IL1RAPL1: variants seen among roughly 807,000 people sequenced by gnomAD.
The protein encoded by IL1RAPL1 is interleukin 1 receptor accessory protein like 1.
In IL1RAPL1, 3 loss-of-function variants were observed where a neutral mutation model predicts 48.4. The ratio of observed to expected loss-of-function variants is 0.06; its 90% CI spans 0.03 to 0.16. IL1RAPL1 has a LOEUF of 0.16. IL1RAPL1 is among the 10% of genes least tolerant of loss of function. The pLI, the probability that IL1RAPL1 is intolerant of heterozygous loss-of-function variation, is 1.00. For missense variants in IL1RAPL1, 349 were observed against 530.6 expected (o/e 0.66, Z 3.36); for synonymous variants, 185 against 187.7 (o/e 0.99, Z 0.12).
chrX:29,854,522 C>A (rs777959011), intron 6 of IL1RAPL1, among the ~76,000 whole-genome samples: 2 of 111,443 alleles, frequency 1.8e-5, no homozygotes, highest in South Asian at 7.5e-4. Flanking sequence ...TCAGAATTGA[C>A]AAGCCACCCA....
At chrX:28,642,237 A>G (rs1442563029) in intron 1 of IL1RAPL1, among the ~76,000 whole-genome samples, 1 of 111,290 alleles carries the variant, frequency 9.0e-6, no homozygotes, top group Non-Finnish European at 1.9e-5. Flanking sequence ...CCCACTGTCA[A>G]TATTAGACAG....
intron 2 of IL1RAPL1, among the ~76,000 whole-genome samples, chrX:28,830,183 G>A (rs1921011302): frequency 9.0e-6 from 1 of 111,483 alleles, no homozygotes; most frequent in African/African-American, 3.3e-5. Context: ...CATCATCTTT[G>A]ATGTTTTGGA....
At chrX:29,758,703 A>T (rs186569035) in intron 6 of IL1RAPL1, among the ~76,000 whole-genome samples, 117 of 106,121 alleles carry the variant, frequency 1.1e-3, no homozygotes, top group South Asian at 5.3e-3. Context: ...CTCAAAAAAA[A>T]AAAAATAATA....
At chrX:29,110,608 G>A (rs1440386584) in intron 2 of IL1RAPL1, among the ~76,000 whole-genome samples, 1 of 111,666 alleles carries the variant, frequency 9.0e-6, no homozygotes. Context: ...TTAATATTGC[G>A]AAAATTGTAA....
At chrX:29,928,309 A>G (rs1290378463) in intron 8 of IL1RAPL1, among the ~76,000 whole-genome samples, 2 of 112,116 alleles carry the variant, frequency 1.8e-5, no homozygotes, top group African/African-American at 6.5e-5. Context: ...GAAATTATCT[A>G]GCACACAGCA....
chrX:28,895,856 G>C (rs1922902948), intron 2 of IL1RAPL1, among the ~76,000 whole-genome samples: 1 of 112,180 alleles, frequency 8.9e-6, no homozygotes, highest in African/African-American at 3.2e-5. Context: ...TCAGTCTTCA[G>C]CTGCTAAGCC....
chrX:29,192,067 G>A (rs951518179), intron 2 of IL1RAPL1, among the ~76,000 whole-genome samples: 4 of 111,486 alleles, frequency 3.6e-5, no homozygotes, highest in Non-Finnish European at 5.6e-5. Context: ...CTATTCTTTC[G>A]TTCTCCACAA....
Position 29,566,174 on chromosome X carries a change from C to T in IL1RAPL1, c.704-102256C>T, listed in dbSNP as rs187902684. Among the ~76,000 whole-genome samples the T allele has an allele frequency of 8.8e-3, 980 of 111,694 alleles. 11 individuals are homozygous for T. The highest frequency in any genetic ancestry group is 0.03 in the African/African-American group (920 of 30,715). On this transcript the variant is annotated intron_variant, in intron 5 of 10. Transcript: ENST00000378993. The stretch of plus-strand genomic sequence containing the variant: ...CAGGATGGTCTCGATCTCCTGACCT[C>T]GTGATCCACCCACCTTGGCCTCCCA...
At chrX:29,684,394 C>T (rs759859544) in intron 6 of IL1RAPL1, among the ~76,000 whole-genome samples, 6 of 111,436 alleles carry the variant, frequency 5.4e-5, no homozygotes, top group Non-Finnish European at 1.1e-4. Context: ...GCCCTCATCA[C>T]CTCCGAAAGG....
chrX:29,951,371 A>C (rs1422737467), intron 9 of IL1RAPL1, among the ~76,000 whole-genome samples: 4 of 112,089 alleles, frequency 3.6e-5, no homozygotes, highest in Non-Finnish European at 7.5e-5. Flanking sequence ...CTAACCTTCA[A>C]GGAAAACAAG....
rs146187120 is a variant in IL1RAPL1, at chrX:29,061,835, G to C, written c.83-221103G>C. On this transcript the variant is annotated intron_variant, in intron 2 of 10. Transcript: ENST00000378993. ...TGTAGTGCTTTTTGTTGGTAATACT[G>C]TGTAGTTGTTCTTTAGTTGTCATTT... Among the ~76,000 whole-genome samples the C allele has an allele frequency of 2.0e-4, 22 of 112,493 alleles. No homozygotes were observed. The East Asian group carries it at 4.4e-3, about 23-fold the overall frequency.
chrX:29,219,395 A>G (rs1602118207), intron 2 of IL1RAPL1, among the ~76,000 whole-genome samples: 3 of 111,618 alleles, frequency 2.7e-5, no homozygotes, highest in East Asian at 2.8e-4. Flanking sequence ...TGGGTCTGTC[A>G]TCTAGAGATA....
At chrX:29,902,654 CTAA>C (rs888449679) in intron 6 of IL1RAPL1, among the ~76,000 whole-genome samples, 23 of 110,196 alleles carry the variant, frequency 2.1e-4, no homozygotes, top group Non-Finnish European at 3.0e-4. Context: ...AATACTACTA[CTAA>C]TAATAATAAT....
chrX:28,830,589 T>TA (rs1263841352), intron 2 of IL1RAPL1, among the ~76,000 whole-genome samples: 1 of 111,910 alleles, frequency 8.9e-6, no homozygotes, highest in East Asian at 2.8e-4. Flanking sequence ...TTTCTTTAGT[T>TA]ATGTGCATAT....
chrX:29,362,942 C>T (rs1325768569), intron 3 of IL1RAPL1, among the ~76,000 whole-genome samples: 2 of 111,550 alleles, frequency 1.8e-5, no homozygotes, highest in Non-Finnish European at 3.8e-5. Flanking sequence ...CTTCTCAATC[C>T]TTATAACAAG....
At chrX:29,905,016 A>T (rs901983261) in intron 6 of IL1RAPL1, among the ~76,000 whole-genome samples, 2 of 111,966 alleles carry the variant, frequency 1.8e-5, no homozygotes, top group African/African-American at 6.5e-5. Flanking sequence ...CTATTTCTCC[A>T]CAGCCTAGCC....
intron 6 of IL1RAPL1, among the ~76,000 whole-genome samples, chrX:29,841,017 TC>T (rs1243675019): frequency 8.9e-6 from 1 of 112,143 alleles, no homozygotes; most frequent in Non-Finnish European, 1.9e-5. Flanking sequence ...TGCTGTTATG[TC>T]TTAAAATACT....
At chrX:28,725,066 C>G (rs1472274750) in intron 1 of IL1RAPL1, among the ~76,000 whole-genome samples, 1 of 103,100 alleles carries the variant, frequency 9.7e-6, no homozygotes, top group African/African-American at 3.6e-5. Flanking sequence ...ATTGTCCTGC[C>G]TCAGCCTCCT....
intron 3 of IL1RAPL1, among the ~76,000 whole-genome samples, chrX:29,323,711 TTTTATATATATATATATA>T (rs1932820160): frequency 4.7e-4 from 6 of 12,768 alleles, no homozygotes; most frequent in Admixed American, 2.4e-3. Context: ...ATACTGAATT[TTTTATATATATATATATA>T]TATATATATA....
Sources: gnomAD v4.1 joint callset for allele counts (sites outside exome capture counted in the v4.1 genomes callset) on GRCh38, gnomAD v4.1.1 for gene constraint, MANE v1.5 for transcripts, NCBI Gene and HGNC (gene_info 2026-07-23, HGNC 2026-07-21) for gene names.